The following LRTM3 variants were observed in gnomAD, a reference collection of about 807,000 sequenced individuals.
LRTM3 encodes leucine-rich repeat transmembrane protein 3.
the LRTM3 span, chr13:102,741,827 T>A: frequency 6.4e-7 from 1 of 1,550,422 alleles, no homozygotes; most frequent in Non-Finnish European, 8.7e-7. Context: ...AAGTTCTTCA[T>A]CTGTTCTAAT....
At chr13:102,741,321 G>A in the LRTM3 span, 8 of 1,549,508 alleles carry the variant, frequency 5.2e-6, no homozygotes, top group South Asian at 3.6e-5. Flanking sequence ...AAGTGAAGAG[G>A]GTCCTTACTG....
chr13:102,742,450 T>G, the LRTM3 span: 1 of 1,548,526 alleles, frequency 6.5e-7, no homozygotes, highest in Non-Finnish European at 8.7e-7. Flanking sequence ...TCTTGGGATC[T>G]GCCCTTGTTT....
chr13:102,734,692 C>G, the LRTM3 span: 1 of 1,551,128 alleles, frequency 6.4e-7, no homozygotes, highest in Non-Finnish European at 8.7e-7. Flanking sequence ...GTGATATTCT[C>G]CGCAAAATAG....
At chr13:102,730,025 G>T in the LRTM3 span, 1 of 1,551,604 alleles carries the variant, frequency 6.4e-7, no homozygotes, top group Non-Finnish European at 8.7e-7. Flanking sequence ...AGATGACCTA[G>T]ACTGAATTTC....
chr13:102,735,374 T>A, the LRTM3 span: 3 of 1,551,202 alleles, frequency 1.9e-6, no homozygotes, highest in African/African-American at 4.1e-5. Flanking sequence ...TGATGATTCC[T>A]TGGACCGTGA....
At chr13:102,740,141 TTCCC>T in the LRTM3 span, 1 of 1,547,938 alleles carries the variant, frequency 6.5e-7, no homozygotes, top group Non-Finnish European at 8.7e-7. Context: ...TTCTATCTTC[TTCCC>T]AAGTCTTAAC....
At chr13:102,736,228 A>G in the LRTM3 span, 2 of 1,548,934 alleles carry the variant, frequency 1.3e-6, no homozygotes. Flanking sequence ...TTTTTGTCAG[A>G]ATCACATGAG....
At chr13:102,741,002 T>C in the LRTM3 span, 1 of 1,550,054 alleles carries the variant, frequency 6.5e-7, no homozygotes, top group African/African-American at 1.4e-5. Context: ...ACCTACTTCA[T>C]GTGATGCTTT....
the LRTM3 span, chr13:102,735,243 T>G: frequency 1.9e-6 from 3 of 1,551,184 alleles, no homozygotes; most frequent in Non-Finnish European, 2.6e-6. Context: ...AGTACACTGG[T>G]CATATCCGCA....
At chr13:102,740,071 A>C in the LRTM3 span, 14 of 1,550,168 alleles carry the variant, frequency 9.0e-6, no homozygotes, top group Non-Finnish European at 1.2e-5. Flanking sequence ...ATGCAGAAAG[A>C]GAATGTAATG....
chr13:102,729,657 G>A, the LRTM3 span: 3 of 1,550,970 alleles, frequency 1.9e-6, no homozygotes, highest in Admixed American at 5.9e-5. Flanking sequence ...AAAAAAAAGG[G>A]CCGGTTTTGT....
At chr13:102,742,528 A>G in the LRTM3 span, 15 of 1,550,502 alleles carry the variant, frequency 9.7e-6, no homozygotes, top group African/African-American at 1.1e-4. Context: ...AGAAAAAAAC[A>G]GATTCTGGAT....
the LRTM3 span, chr13:102,736,753 G>T: frequency 6.4e-7 from 1 of 1,550,656 alleles, no homozygotes; most frequent in Non-Finnish European, 8.7e-7. Context: ...CTATGTACTC[G>T]GGATGCATTA....
the LRTM3 span, chr13:102,737,226 C>T: frequency 1.7e-5 from 26 of 1,550,960 alleles, no homozygotes; most frequent in African/African-American, 4.1e-5. Context: ...ACTGTTTTTA[C>T]ATCATTTGAG....
the LRTM3 span, among the ~76,000 whole-genome samples, chr13:102,753,504 A>C: frequency 2.0e-5 from 3 of 151,732 alleles, no homozygotes; most frequent in African/African-American, 7.3e-5. Flanking sequence ...TAAAAAAAAA[A>C]AAAAGAAAAG....
chr13:102,746,561 G>C, the LRTM3 span: 1 of 1,550,994 alleles, frequency 6.4e-7, no homozygotes, highest in Non-Finnish European at 8.7e-7. Context: ...GACACTGACT[G>C]TCTCTGAGAT....
At chr13:102,756,924 T>C in the LRTM3 span, among the ~76,000 whole-genome samples, 1 of 152,114 alleles carries the variant, frequency 6.6e-6, no homozygotes, top group East Asian at 1.9e-4. Context: ...AAGGGAATAA[T>C]AGGACACGGG....
chr13:102,734,063 G>A, the LRTM3 span: 5 of 1,551,434 alleles, frequency 3.2e-6, no homozygotes, highest in South Asian at 2.4e-5. Context: ...AACCACACAT[G>A]CTTCATCTTT....
the LRTM3 span, chr13:102,746,839 T>C: frequency 6.4e-7 from 1 of 1,551,304 alleles, no homozygotes. Flanking sequence ...GTGATTTTCC[T>C]GATATTGGAG....
Sources: gnomAD v4.1 joint callset for allele counts (sites outside exome capture counted in the v4.1 genomes callset) on GRCh38, gnomAD v4.1.1 for gene constraint, MANE v1.5 for transcripts, NCBI Gene and HGNC (gene_info 2026-07-23, HGNC 2026-07-21) for gene names.